The following NRG1 variants were observed in gnomAD, a reference collection of about 807,000 sequenced individuals.
NRG1 encodes the protein pro-neuregulin-1, membrane-bound isoform.
Under a neutral mutation model 63.8 loss-of-function variants are expected in NRG1, and 18 were observed. The observed-to-expected ratio is 0.28, with a 90% CI of 0.19 to 0.42. The LOEUF (loss-of-function observed/expected upper bound fraction) is 0.42. Ranked by LOEUF, NRG1 falls within the 10% of genes least tolerant of loss-of-function variation. The pLI is 1.00. For synonymous variants in NRG1, 302 were observed against 301.3 expected (o/e 1.00, Z -0.02); for missense variants, 762 against 814.7 (o/e 0.94, Z 0.79).
At chr8:32,339,433 C>A (rs999238413) in intron 1 of NRG1, among the ~76,000 whole-genome samples, 1 of 152,050 alleles carries the variant, frequency 6.6e-6, no homozygotes, top group Admixed American at 6.6e-5. Context: ...GTAGTGTGGA[C>A]CTAAAAAGAT....
intron 1 of NRG1, among the ~76,000 whole-genome samples, chr8:32,235,186 G>C (rs762735859): frequency 8.0e-5 from 11 of 137,096 alleles, no homozygotes; most frequent in African/African-American, 1.4e-4. Flanking sequence ...TTGAGCCTAG[G>C]AGTTTGAGAC....
intron 5 of NRG1, among the ~76,000 whole-genome samples, chr8:32,640,405 C>G (rs754409111): frequency 1.9e-4 from 29 of 151,974 alleles, no homozygotes; most frequent in Non-Finnish European, 3.5e-4. Context: ...GATGCATTTG[C>G]TTAACAATGT....
chr8:32,690,717 GT>G (rs997741461), intron 5 of NRG1, among the ~76,000 whole-genome samples: 2,974 of 147,728 alleles, frequency 0.02, 104 homozygotes, highest in African/African-American at 0.069. Flanking sequence ...TACACACATA[GT>G]TTTTTTTTTT....
At chr8:32,433,831 T>A (rs1182764368) in intron 1 of NRG1, among the ~76,000 whole-genome samples, 1 of 152,118 alleles carries the variant, frequency 6.6e-6, no homozygotes, top group Non-Finnish European at 1.5e-5. Context: ...GCATAAATAT[T>A]TTTTCTTCCT....
At chr8:31,949,820 G>A (rs138391544) in intron 1 of NRG1, among the ~76,000 whole-genome samples, 19 of 152,240 alleles carry the variant, frequency 1.2e-4, no homozygotes, top group Admixed American at 6.5e-4. Flanking sequence ...TATCCCAAAC[G>A]TAGTTCTTAC....
At chr8:31,826,271 C>G (rs1405588384) in intron 1 of NRG1, among the ~76,000 whole-genome samples, 3 of 152,034 alleles carry the variant, frequency 2.0e-5, no homozygotes, top group Admixed American at 2.0e-4. Context: ...TGGCTGTGTC[C>G]CCACCCAAAT....
intron 1 of NRG1, among the ~76,000 whole-genome samples, chr8:31,895,290 T>A (rs566257409): frequency 6.6e-6 from 1 of 152,364 alleles, no homozygotes; most frequent in East Asian, 1.9e-4. Context: ...GGTTTTTGTG[T>A]TACCCACAAC....
intron 1 of NRG1, chr8:32,030,566 T>C (rs1586602488): frequency 2.0e-5 from 3 of 152,038 alleles, no homozygotes; most frequent in South Asian, 2.1e-4. Flanking sequence ...CTGAGGATGA[T>C]TTTTTTTAAA....
chr8:31,705,303 C>G lies in NRG1; in HGVS notation c.37+65872C>G, dbSNP rs574090377. ...CCTTGTGATCCACCTGCTTTGGCCT[C>G]CCAAAGTGCTGGGATTACAGGCGTG... On this transcript the variant is annotated intron_variant, in intron 1 of 10. Transcript: ENST00000519301. 2.6e-5 allele frequency among the ~76,000 whole-genome samples: 4 copies of G among 152,242 alleles called. No homozygotes were observed. The South Asian group carries it at 8.3e-4, about 32-fold the overall frequency.
Position 32,188,245 on chromosome 8 carries a change from T to C in NRG1, c.38-407583T>C, listed in dbSNP as rs145411243. On this transcript the variant is annotated intron_variant, in intron 1 of 10. Transcript: ENST00000519301. ...CCATGTCCAGTTAATTTTTGTATTA[T>C]TAGTAGAGACAGGGTTTCACCATGG... Among the ~76,000 whole-genome samples, 364 of 152,240 alleles carry C rather than the reference T, an allele frequency of 2.4e-3. 5 individuals carry two copies. Among genetic ancestry groups the C allele is most frequent in the African/African-American group, 8.4e-3 (351 of 41,542 alleles).
At chr8:32,484,156 T>C (rs972680528) in intron 1 of NRG1, among the ~76,000 whole-genome samples, 1 of 151,220 alleles carries the variant, frequency 6.6e-6, no homozygotes, top group Non-Finnish European at 1.5e-5. Context: ...GGAAAGTCAT[T>C]TGAGGTTTGG....
downstream of NRG1, among the ~76,000 whole-genome samples, chr8:32,771,770 C>G (rs776823077): frequency 1.2e-4 from 17 of 142,546 alleles, no homozygotes; most frequent in Non-Finnish European, 2.3e-4. Flanking sequence ...TGACTGTAAT[C>G]CCAGCACTTT....
rs1410343324 is a variant in NRG1 at position 32,722,179 on chromosome 8, T to A, written c.503-5770T>A. The A allele has an allele frequency of 4.1e-6, 3 of 733,182 alleles. No individual in the cohort carries two copies. The East Asian group carries it at 8.2e-5, about 20-fold the overall frequency. The allele number at this position is 733,182 out of a possible 1,614,324, so 45.4% of individuals were successfully genotyped here. On this transcript the variant is annotated intron_variant, in intron 5 of 11. Coordinates refer to ENST00000356819, the Ensembl canonical transcript of NRG1. ...TCTGTAAGTAACTCGTAAAGAATTGTCCTAAAAGCTGTGGGTGAGGACTAA... is the reference window on the plus strand; with the variant it reads ...TCTGTAAGTAACTCGTAAAGAATTGACCTAAAAGCTGTGGGTGAGGACTAA...
chr8:32,528,673 T>G (rs1036660007), intron 1 of NRG1, among the ~76,000 whole-genome samples: 13 of 152,170 alleles, frequency 8.5e-5, no homozygotes, highest in Non-Finnish European at 1.0e-4. Context: ...GAGTATATAA[T>G]GTAAGGGGGT....
intron 1 of NRG1, among the ~76,000 whole-genome samples, chr8:31,667,353 T>G (rs1053961381): frequency 6.6e-6 from 1 of 152,152 alleles, no homozygotes; most frequent in African/African-American, 2.4e-5. Context: ...GGTTCATTTA[T>G]CAATTCATTA....
chr8:32,252,854 A>G (rs929373952), intron 1 of NRG1, among the ~76,000 whole-genome samples: 16 of 152,088 alleles, frequency 1.1e-4, no homozygotes, highest in Admixed American at 2.6e-4. Context: ...ATTTGTTTGT[A>G]TCCTCTCTTA....
At chr8:32,700,470 A>T (rs1814559966) in intron 5 of NRG1, among the ~76,000 whole-genome samples, 1 of 152,200 alleles carries the variant, frequency 6.6e-6, no homozygotes, top group Non-Finnish European at 1.5e-5. Flanking sequence ...AAAGACACTT[A>T]TGTGTATTTA....
chr8:31,832,456 G>T (rs950123275), intron 1 of NRG1, among the ~76,000 whole-genome samples: 1 of 151,872 alleles, frequency 6.6e-6, no homozygotes, highest in Admixed American at 6.6e-5. Context: ...ACAGAGTTTC[G>T]CCATGTTGTC....
rs1427635863 is a variant in NRG1 at position 32,449,914 on chromosome 8, A to C, written c.38-145914A>C. Among the ~76,000 whole-genome samples the C allele has an allele frequency of 3.3e-5, 5 of 152,302 alleles. No homozygotes were observed. In the South Asian group the frequency reaches 8.3e-4, roughly 25 times the overall value. On this transcript the variant is annotated intron_variant, in intron 1 of 10. Coordinates refer to the NRG1 transcript ENST00000519301. ...CTATGCAATCGTGAAGATTTATGGC[A>C]GAGCACAGGATATTTGGGGATTGGC... is the stretch of plus-strand genomic sequence containing the variant.
Sources: gnomAD v4.1 joint callset for allele counts (sites outside exome capture counted in the v4.1 genomes callset) on GRCh38, gnomAD v4.1.1 for gene constraint, MANE v1.5 for transcripts, NCBI Gene and HGNC (gene_info 2026-07-23, HGNC 2026-07-21) for gene names.